The following KCNIP4 variants were observed in gnomAD, a reference collection of about 807,000 sequenced individuals.
KCNIP4 encodes potassium voltage-gated channel interacting protein 4.
KCNIP4 carries 12 observed loss-of-function variants against 34.0 expected under a neutral mutation model. The ratio of observed to expected loss-of-function variants is 0.35; its 90% CI spans 0.23 to 0.57. The LOEUF (loss-of-function observed/expected upper bound fraction) is 0.57, where lower values mean the gene tolerates loss of function less well. Ranked by LOEUF, KCNIP4 falls within the 20% of genes least tolerant of loss-of-function variation. The pLI is 0.83. For missense variants in KCNIP4, 238 were observed against 311.7 expected, an observed-to-expected ratio of 0.76 and a Z score of 1.78; for synonymous variants, 124 against 102.2, an observed-to-expected ratio of 1.21 and a Z score of -1.29.
intron 1 of KCNIP4, among the ~76,000 whole-genome samples, chr4:21,079,753 T>A (rs1745837982): frequency 6.6e-6 from 1 of 151,872 alleles, no homozygotes; most frequent in South Asian, 2.1e-4. Flanking sequence ...AGTGTAACCA[T>A]AATGGTTCTT....
At chr4:20,762,434 TTTTA>T (rs1218109471) in intron 3 of KCNIP4, among the ~76,000 whole-genome samples, 1 of 152,218 alleles carries the variant, frequency 6.6e-6, no homozygotes, top group Non-Finnish European at 1.5e-5. Flanking sequence ...AATGATGATC[TTTTA>T]TTTATTCCCA....
At chr4:21,073,545 A>G (rs1019444820) in intron 1 of KCNIP4, among the ~76,000 whole-genome samples, 3 of 152,176 alleles carry the variant, frequency 2.0e-5, no homozygotes, top group Non-Finnish European at 4.4e-5. Flanking sequence ...GGCTGAGACA[A>G]TGGGATTTTC....
At chr4:20,937,708 T>C (rs1178923569) in intron 1 of KCNIP4, among the ~76,000 whole-genome samples, 1 of 152,232 alleles carries the variant, frequency 6.6e-6, no homozygotes. Context: ...AGTTTTCACA[T>C]GGCCCAACTT....
At chr4:20,788,412 T>C (rs570744470) in intron 3 of KCNIP4, among the ~76,000 whole-genome samples, 1 of 152,220 alleles carries the variant, frequency 6.6e-6, no homozygotes. Context: ...AGCAAACAAC[T>C]CTCTCTACCA....
Position 21,030,229 on chromosome 4 carries a change from A to T in KCNIP4, c.62-147520T>A, listed in dbSNP as rs1740898857. On this transcript the variant is annotated intron_variant, in intron 1 of 8. Transcript: ENST00000382152. The stretch of plus-strand genomic sequence containing the variant: ...AGCAGCACCATTAGATTCTCTTAGG[A>T]GCGTGAACCCTATTGTGAACTGTGC... Among the ~76,000 whole-genome samples, 3 of 151,964 alleles carry T rather than the reference A, an allele frequency of 2.0e-5. No homozygotes were observed. In the South Asian group the frequency reaches 6.2e-4, roughly 32 times the overall value.
intron 1 of KCNIP4, among the ~76,000 whole-genome samples, chr4:21,730,688 A>G (rs933830657): frequency 6.6e-6 from 1 of 152,212 alleles, no homozygotes; most frequent in Non-Finnish European, 1.5e-5. Flanking sequence ...CTTTATTTAG[A>G]TATCTGCTAA....
chr4:21,119,233 T>C (rs1749936087), intron 1 of KCNIP4, among the ~76,000 whole-genome samples: 1 of 151,886 alleles, frequency 6.6e-6, no homozygotes, highest in Non-Finnish European at 1.5e-5. Context: ...AAGATGAGAA[T>C]TTTGAGAAGT....
intron 1 of KCNIP4, among the ~76,000 whole-genome samples, chr4:20,998,571 A>C (rs1737781651): frequency 6.6e-6 from 1 of 152,244 alleles, no homozygotes; most frequent in Admixed American, 6.5e-5. Flanking sequence ...GATAAGAGAA[A>C]GTAGATCTGA....
At chr4:21,034,841 G>C (rs1741314573) in intron 1 of KCNIP4, among the ~76,000 whole-genome samples, 1 of 152,224 alleles carries the variant, frequency 6.6e-6, no homozygotes, top group African/African-American at 2.4e-5. Flanking sequence ...CTTGGAGTTA[G>C]GTAACGTGGT....
chr4:21,398,410 T>A (rs1723189088), intron 1 of KCNIP4, among the ~76,000 whole-genome samples: 1 of 152,214 alleles, frequency 6.6e-6, no homozygotes, highest in African/African-American at 2.4e-5. Flanking sequence ...AGATGACCTA[T>A]GTCATTTTAA....
chr4:21,809,240 G>T (rs933719558), intron 1 of KCNIP4, among the ~76,000 whole-genome samples: 1 of 152,110 alleles, frequency 6.6e-6, no homozygotes, highest in Non-Finnish European at 1.5e-5. Flanking sequence ...TGGAGGAAGG[G>T]CAAATTCACT....
chr4:21,135,284 G>C (rs1751418835), intron 1 of KCNIP4, among the ~76,000 whole-genome samples: 1 of 152,196 alleles, frequency 6.6e-6, no homozygotes, highest in African/African-American at 2.4e-5. Flanking sequence ...AAAATGATAT[G>C]GACTGGTGCT....
intron 1 of KCNIP4, among the ~76,000 whole-genome samples, chr4:21,732,035 T>C (rs866616660): frequency 7.3e-5 from 11 of 150,750 alleles, no homozygotes; most frequent in African/African-American, 1.7e-4. Context: ...AAAATATATA[T>C]ATATTTAATT....
At chr4:20,948,249 G>C (rs1345394402) in intron 1 of KCNIP4, among the ~76,000 whole-genome samples, 2 of 152,220 alleles carry the variant, frequency 1.3e-5, no homozygotes, top group African/African-American at 2.4e-5. Context: ...GAGAATGTGA[G>C]TCAATATAAT....
At chr4:21,127,096 G>A (rs991968487) in intron 1 of KCNIP4, among the ~76,000 whole-genome samples, 13 of 152,104 alleles carry the variant, frequency 8.5e-5, no homozygotes, top group African/African-American at 3.1e-4. Flanking sequence ...TTCTTCATTT[G>A]GATTTTCATG....
intron 3 of KCNIP4, among the ~76,000 whole-genome samples, chr4:20,793,162 C>T (rs1017340493): frequency 3.3e-5 from 5 of 152,114 alleles, no homozygotes; most frequent in Non-Finnish European, 2.9e-5. Context: ...AAACTAGAAT[C>T]GTCCTAAATG....
intron 1 of KCNIP4, among the ~76,000 whole-genome samples, chr4:21,814,752 A>C (rs945812619): frequency 2.0e-5 from 3 of 152,176 alleles, no homozygotes; most frequent in African/African-American, 4.8e-5. Flanking sequence ...AAGCTTCAAA[A>C]GTCAGTTCAC....
chr4:21,747,654 A>G (rs1281051693), intron 1 of KCNIP4, among the ~76,000 whole-genome samples: 2 of 152,152 alleles, frequency 1.3e-5, no homozygotes, highest in African/African-American at 4.8e-5. Flanking sequence ...ACAGGACTCA[A>G]ACTATGTTCA....
intron 1 of KCNIP4, among the ~76,000 whole-genome samples, chr4:21,765,102 G>A (rs913994274): frequency 2.6e-5 from 4 of 151,602 alleles, no homozygotes; most frequent in African/African-American, 7.3e-5. Context: ...ATATTAGTAC[G>A]AATTTAAAAT....
Sources: gnomAD v4.1 joint callset for allele counts (sites outside exome capture counted in the v4.1 genomes callset) on GRCh38, gnomAD v4.1.1 for gene constraint, MANE v1.5 for transcripts, NCBI Gene and HGNC (gene_info 2026-07-23, HGNC 2026-07-21) for gene names.